Variants in MEIS1 observed in about 807,000 individuals in gnomAD.
MEIS1 encodes the protein Meis homeobox 1.
MEIS1 carries 5 observed loss-of-function variants against 50.8 expected under a neutral mutation model. That is an observed-to-expected ratio of 0.10 (90% CI 0.05 to 0.21). The LOEUF (loss-of-function observed/expected upper bound fraction) is 0.21, where lower values mean the gene tolerates loss of function less well. Ranked by LOEUF, MEIS1 falls within the 10% of genes least tolerant of loss-of-function variation. MEIS1 has a pLI of 1.00. For synonymous variants in MEIS1, 176 were observed against 179.3 expected, an observed-to-expected ratio of 0.98 and a Z score of 0.15; for missense variants, 318 against 517.3, an observed-to-expected ratio of 0.61 and a Z score of 3.74.
At chr2:66,563,009 T>C (rs1250430542) in intron 9 of MEIS1, among the ~76,000 whole-genome samples, 2 of 152,178 alleles carry the variant, frequency 1.3e-5, no homozygotes, top group Non-Finnish European at 2.9e-5. Flanking sequence ...GTATGGCAAA[T>C]TTGAATTATA....
intron 9 of MEIS1, among the ~76,000 whole-genome samples, chr2:66,549,712 G>A (rs757761295): frequency 8.5e-5 from 13 of 152,070 alleles, no homozygotes; most frequent in Non-Finnish European, 1.3e-4. Context: ...AGGAGTGGCA[G>A]GACAAGCTCT....
At chr2:66,504,089 G>A (rs113391582) in intron 7 of MEIS1, among the ~76,000 whole-genome samples, 4,717 of 151,970 alleles carry the variant, frequency 0.031, 235 homozygotes, top group African/African-American at 0.11. Flanking sequence ...CTTTAGCGGA[G>A]GAGGGGGAGC....
At chr2:66,466,685 C>T (rs1205358170) in intron 7 of MEIS1, among the ~76,000 whole-genome samples, 1 of 152,166 alleles carries the variant, frequency 6.6e-6, no homozygotes, top group Non-Finnish European at 1.5e-5. Context: ...TAGTTATTTA[C>T]ACAGTTTGAG....
chr2:66,509,243 A>C (rs1214791266), intron 7 of MEIS1: 1 of 345,970 alleles, frequency 2.9e-6, no homozygotes, highest in African/African-American at 2.2e-5. Context: ...TTGCTTTTAG[A>C]ATAGTCTGTT....
intron 7 of MEIS1, among the ~76,000 whole-genome samples, chr2:66,467,865 G>A (rs963267395): frequency 1.3e-5 from 2 of 152,120 alleles, no homozygotes; most frequent in African/African-American, 4.8e-5. Context: ...AAGAGGGAGG[G>A]CCTCACATCT....
At chr2:66,478,377 T>TAG (rs1672941731) in intron 7 of MEIS1, among the ~76,000 whole-genome samples, 1 of 152,250 alleles carries the variant, frequency 6.6e-6, no homozygotes, top group African/African-American at 2.4e-5. Flanking sequence ...GTCATCATCT[T>TAG]AGACACTAGC....
At chr2:66,454,918 A>C (rs576490423) in intron 6 of MEIS1, 2 of 152,186 alleles carry the variant, frequency 1.3e-5, no homozygotes, top group African/African-American at 4.8e-5. Flanking sequence ...GTATTTAGGT[A>C]TACTTATTTG....
Position 66,571,664 on chromosome 2 carries a change from A to T in MEIS1, c.*456A>T, listed in dbSNP as rs1399302553. The T allele has an allele frequency of 1.9e-6, 2 of 1,052,874 alleles. No individual in the cohort carries two copies. Among genetic ancestry groups the T allele is most frequent in the South Asian group, 1.6e-5 (1 of 63,948 alleles). 65.2% of individuals were successfully genotyped at this position (1,052,874 alleles called of 1,614,324 possible). A position where few individuals can be genotyped will look rare whatever the true frequency, so the allele number is the denominator to read the frequency against. On this transcript the variant is annotated 3_prime_UTR_variant, in exon 13 of 13. Transcript: ENST00000272369. The stretch of plus-strand genomic sequence containing the variant: ...CTAATTCTTCATAGGGACCTTTAAA[A>T]AGCAGGAAATACCAACTGAAGTCAA...
In MEIS1 at chr2:66,440,068, A is replaced by AACAC. The variant is rs9309387; in HGVS notation, c.381+105_381+108dup. 1,780 of 778,500 alleles carry AACAC rather than the reference A, an allele frequency of 2.3e-3. 14 individuals are homozygous for AACAC. The highest frequency in any genetic ancestry group is 0.021 in the African/African-American group (1,086 of 52,962). The allele number at this position is 778,500 out of a possible 1,614,324, so 48.2% of individuals were successfully genotyped here. A position where few individuals can be genotyped will look rare whatever the true frequency, so the allele number is the denominator to read the frequency against. On this transcript the variant is annotated intron_variant, in intron 3 of 12. Transcript: ENST00000272369. The stretch of plus-strand genomic sequence containing the variant: ...ACACACACGCGCGCGCGCGCGCGCG[A>AACAC]ACACACACACACACACACACACACG...
chr2:66,498,764 G>A (rs902174347), intron 7 of MEIS1, among the ~76,000 whole-genome samples: 3 of 152,154 alleles, frequency 2.0e-5, no homozygotes, highest in Non-Finnish European at 4.4e-5. Context: ...TTGCCTGGAG[G>A]GGAAGATTCT....
intron 6 of MEIS1, among the ~76,000 whole-genome samples, chr2:66,449,193 C>T (rs1033796836): frequency 2.6e-5 from 4 of 152,084 alleles, no homozygotes; most frequent in Admixed American, 6.5e-5. Flanking sequence ...CCAAGTAAAA[C>T]AACACTGCTC....
intron 6 of MEIS1, among the ~76,000 whole-genome samples, chr2:66,453,849 CA>C (rs1349754519): frequency 6.6e-6 from 1 of 151,744 alleles, no homozygotes; most frequent in African/African-American, 2.4e-5. Context: ...TCTTATGTCT[CA>C]ATTGTGTGTT....
rs781628036 is a variant in MEIS1, at chr2:66,573,710, T to G, written c.*2502T>G. 1 of 152,238 alleles carries G rather than the reference T, an allele frequency of 6.6e-6. No homozygotes were observed. The highest frequency in any genetic ancestry group is 1.5e-5 in the Non-Finnish European group (1 of 68,066). The allele number at this position is 152,238 out of a possible 1,614,324, so 9.4% of individuals were successfully genotyped here. A position where few individuals can be genotyped will look rare whatever the true frequency, so the allele number is the denominator to read the frequency against. On this transcript the variant is annotated 3_prime_UTR_variant, in exon 13 of 13. Transcript: ENST00000272369. The stretch of plus-strand genomic sequence containing the variant: ...AGCGCTTCTACCCCTCCCCAGCCCA[T>G]AGATGGGATTGTTTAAATCTCCCTT...
chr2:66,489,196 C>A (rs918677998), intron 7 of MEIS1, among the ~76,000 whole-genome samples: 2 of 152,202 alleles, frequency 1.3e-5, no homozygotes, highest in Admixed American at 6.5e-5. Flanking sequence ...ACACTTAATT[C>A]TTAGCAACAA....
intron 9 of MEIS1, among the ~76,000 whole-genome samples, chr2:66,566,127 GATATA>G (rs1279371581): frequency 6.6e-6 from 1 of 152,116 alleles, no homozygotes; most frequent in African/African-American, 2.4e-5. Flanking sequence ...TACAAGAACT[GATATA>G]ATATGTATTG....
chr2:66,522,178 A>T (rs62144055), intron 8 of MEIS1, among the ~76,000 whole-genome samples: 1 of 152,086 alleles, frequency 6.6e-6, no homozygotes, highest in African/African-American at 2.4e-5. Context: ...GAAATATGGC[A>T]TGCCATTTGT....
chr2:66,487,793 C>T (rs1335058955), intron 7 of MEIS1, among the ~76,000 whole-genome samples: 2 of 152,168 alleles, frequency 1.3e-5, no homozygotes, highest in African/African-American at 2.4e-5. Flanking sequence ...CACTTCTAAA[C>T]GACTGAAATT....
intron 9 of MEIS1, among the ~76,000 whole-genome samples, chr2:66,555,301 C>T (rs924007174): frequency 7.5e-6 from 1 of 134,118 alleles, no homozygotes. Flanking sequence ...ACCCCCCAAA[C>T]CCCCCTCCCT....
chr2:66,526,223 G>A (rs1323949577), intron 8 of MEIS1, among the ~76,000 whole-genome samples: 1 of 152,198 alleles, frequency 6.6e-6, no homozygotes, highest in East Asian at 1.9e-4. Context: ...TTGCTTAGCA[G>A]GTAAATTCTC....
Sources: allele counts gnomAD v4.1 joint callset (sites outside exome capture counted in the v4.1 genomes callset), GRCh38; gene constraint gnomAD v4.1.1; transcripts MANE v1.5; gene names NCBI Gene and HGNC (gene_info 2026-07-23, HGNC 2026-07-21).